The following CNTNAP2 variants were observed in gnomAD, a reference collection of about 807,000 sequenced individuals.
CNTNAP2 encodes the protein contactin associated protein 2.
A neutral mutation model predicts 155.2 loss-of-function variants in CNTNAP2; 98 were observed. That is an observed-to-expected ratio of 0.63 (90% CI 0.54 to 0.75). The LOEUF (loss-of-function observed/expected upper bound fraction) is 0.75, where lower values mean the gene tolerates loss of function less well. Among genes scored for constraint, CNTNAP2 ranks in the 30% least tolerant of loss-of-function variants. CNTNAP2 has a pLI of 0.00. For missense variants in CNTNAP2, 1,727 were observed against 1,688.1 expected (o/e 1.02, Z -0.40); for synonymous variants, 651 against 631.2 (o/e 1.03, Z -0.47).
At chr7:146,684,673 G>A (rs1800564729) in intron 1 of CNTNAP2, among the ~76,000 whole-genome samples, 1 of 142,044 alleles carries the variant, frequency 7.0e-6, no homozygotes, top group South Asian at 2.3e-4. Context: ...GGAGGATTTA[G>A]CTCTGCCAGT....
In CNTNAP2 at chr7:146,842,994, C is replaced by CTTT. The variant is rs35387068; in HGVS notation, c.402+3117_402+3119dup. 5.1e-3 allele frequency among the ~76,000 whole-genome samples: 69 copies of CTTT among 13,662 alleles called. 22 individuals are homozygous for CTTT. The highest frequency in any genetic ancestry group is 0.018 in the African/African-American group (64 of 3,488). 9.0% of individuals were successfully genotyped at this position (13,662 alleles called of 152,430 possible). A position where few individuals can be genotyped will look rare whatever the true frequency, so the allele number is the denominator to read the frequency against. On this transcript the variant is annotated intron_variant, in intron 3 of 23. Coordinates refer to ENST00000361727, the MANE Select transcript of CNTNAP2 (RefSeq NM_014141.6). Reference sequence around the variant, plus strand: ...GCCACCACGCCCGGCCTGTCCCACACTTTTTTTTTTTTTTTTTTTTTTTTT... The same window carrying CTTT: ...GCCACCACGCCCGGCCTGTCCCACACTTTTTTTTTTTTTTTTTTTTTTTTTTTT...
At chr7:146,925,435 G>C (rs373041055) in intron 3 of CNTNAP2, among the ~76,000 whole-genome samples, 2 of 152,024 alleles carry the variant, frequency 1.3e-5, no homozygotes, top group Non-Finnish European at 2.9e-5. Context: ...AGAAGAGCAA[G>C]GTGACAAAAA....
intron 11 of CNTNAP2, among the ~76,000 whole-genome samples, chr7:147,510,092 A>G (rs1428986620): frequency 6.6e-6 from 1 of 152,186 alleles, no homozygotes; most frequent in African/African-American, 2.4e-5. Context: ...CACTGGGCTT[A>G]TGAGAAGATT....
At chr7:146,409,085 A>G (rs1795832683) in intron 1 of CNTNAP2, among the ~76,000 whole-genome samples, 2 of 152,110 alleles carry the variant, frequency 1.3e-5, no homozygotes, top group South Asian at 4.1e-4. Context: ...TTTACTCTAT[A>G]TTTTCTTACC....
chr7:146,208,823 T>C (rs1295997740), intron 1 of CNTNAP2: 2 of 151,664 alleles, frequency 1.3e-5, no homozygotes, highest in African/African-American at 4.9e-5. Flanking sequence ...ATTTCAAACT[T>C]CAGGTTTGTT....
intron 10 of CNTNAP2, among the ~76,000 whole-genome samples, chr7:147,417,039 A>C (rs1797204885): frequency 6.6e-6 from 1 of 150,644 alleles, no homozygotes; most frequent in African/African-American, 2.4e-5. Context: ...CAGTGAGCCG[A>C]GATTGCGCCA....
intron 13 of CNTNAP2, among the ~76,000 whole-genome samples, chr7:147,885,540 A>G (rs1435778481): frequency 6.6e-6 from 1 of 151,822 alleles, no homozygotes; most frequent in Non-Finnish European, 1.5e-5. Flanking sequence ...CCCATCTTGC[A>G]GAAGCCACAC....
intron 1 of CNTNAP2, among the ~76,000 whole-genome samples, chr7:146,194,216 C>G (rs1798745553): frequency 6.6e-6 from 1 of 152,172 alleles, no homozygotes; most frequent in African/African-American, 2.4e-5. Context: ...CAGCAGCACT[C>G]CTCTCTACTG....
intron 2 of CNTNAP2, among the ~76,000 whole-genome samples, chr7:146,786,377 C>T (rs980813563): frequency 6.6e-6 from 1 of 152,156 alleles, no homozygotes; most frequent in Non-Finnish European, 1.5e-5. Flanking sequence ...TCTTAATACC[C>T]TTAGCAAATT....
intron 12 of CNTNAP2, chr7:147,638,769 A>G (rs1388545119): frequency 4.6e-6 from 2 of 431,486 alleles, no homozygotes; most frequent in Non-Finnish European, 4.5e-6. Flanking sequence ...TGACAAAGTC[A>G]GCAAGAAGTT....
chr7:146,216,425 AC>A (rs1799114141), intron 1 of CNTNAP2, among the ~76,000 whole-genome samples: 1 of 152,128 alleles, frequency 6.6e-6, no homozygotes, highest in Non-Finnish European at 1.5e-5. Flanking sequence ...ATTTGATGGA[AC>A]CCTTGTTGGT....
chr7:146,556,348 T>A (rs1028128584), intron 1 of CNTNAP2, among the ~76,000 whole-genome samples: 5 of 152,198 alleles, frequency 3.3e-5, no homozygotes, highest in African/African-American at 1.2e-4. Context: ...GCTGTGTGAC[T>A]TTGGATGAAT....
At chr7:146,874,136 G>C (rs987158398) in intron 3 of CNTNAP2, among the ~76,000 whole-genome samples, 4 of 151,908 alleles carry the variant, frequency 2.6e-5, no homozygotes, top group African/African-American at 7.3e-5. Context: ...GAAATATCAA[G>C]TCTGACGTTA....
In CNTNAP2 at chr7:147,033,630, A is replaced by G. The variant is rs371879596; in HGVS notation, c.403-10277A>G. Among the ~76,000 whole-genome samples the G allele has an allele frequency of 3.9e-5, 6 of 152,154 alleles. No individual in the cohort carries two copies. The East Asian group carries it at 1.2e-3, about 29-fold the overall frequency. ...GATGGGAATTTGGAAATGCACATTT[A>G]TATTCATTTACTTAAGCACATTTAT... On this transcript the variant is annotated intron_variant, in intron 3 of 23. Transcript: ENST00000361727.
intron 1 of CNTNAP2, among the ~76,000 whole-genome samples, chr7:146,195,686 A>T (rs960678337): frequency 1.3e-5 from 2 of 152,182 alleles, no homozygotes; most frequent in Non-Finnish European, 2.9e-5. Flanking sequence ...AGACCAGAAC[A>T]GTCAATCCCA....
intron 1 of CNTNAP2, among the ~76,000 whole-genome samples, chr7:146,254,754 C>G (rs190143330): frequency 2.8e-3 from 421 of 151,716 alleles, no homozygotes; most frequent in Non-Finnish European, 3.9e-3. Flanking sequence ...AAAATGGATC[C>G]AGCAAATATT....
rs140518043 is a variant in CNTNAP2, at chr7:147,612,872, C to A, written c.1898-26234C>A. On this transcript the variant is annotated intron_variant, in intron 12 of 23. Coordinates refer to ENST00000361727, the MANE Select transcript of CNTNAP2 (RefSeq NM_014141.6). Reference sequence around the variant, plus strand: ...AATTCACTCATGTTTCATAAATATACTTCTAATTGTTTTATTTTCAAATAT... The same window carrying A: ...AATTCACTCATGTTTCATAAATATAATTCTAATTGTTTTATTTTCAAATAT... 1.3e-4 allele frequency among the ~76,000 whole-genome samples: 20 copies of A among 152,254 alleles called. No homozygotes were observed. In the South Asian group the frequency reaches 4.1e-3, roughly 32 times the overall value.
rs114989941 is a variant in CNTNAP2 at position 147,564,360 on chromosome 7, C to T, written c.1897+2103C>T. Among the ~76,000 whole-genome samples, 886 of 152,166 alleles carry T rather than the reference C, an allele frequency of 5.8e-3. 7 individuals are homozygous for T. The highest frequency in any genetic ancestry group is 0.02 in the African/African-American group (834 of 41,518). On this transcript the variant is annotated intron_variant, in intron 12 of 23. Coordinates refer to ENST00000361727, the MANE Select transcript of CNTNAP2 (RefSeq NM_014141.6). Reference sequence around the variant, plus strand: ...GATTAATCTAAGAGTTCACTGACAGCTGGACTTGTCAATGCACTTGAATTC... The same window carrying T: ...GATTAATCTAAGAGTTCACTGACAGTTGGACTTGTCAATGCACTTGAATTC...
chr7:148,329,510 C>T (rs1431628663), intron 21 of CNTNAP2, among the ~76,000 whole-genome samples: 1 of 152,114 alleles, frequency 6.6e-6, no homozygotes, highest in East Asian at 1.9e-4. Context: ...AATGTGCGGG[C>T]TGTGGGTCAC....
Sources: allele counts gnomAD v4.1 joint callset (sites outside exome capture counted in the v4.1 genomes callset), GRCh38; gene constraint gnomAD v4.1.1; transcripts MANE v1.5; gene names NCBI Gene and HGNC (gene_info 2026-07-23, HGNC 2026-07-21).